The following NUP93 variants were observed in gnomAD, a reference collection of about 807,000 sequenced individuals.
The protein encoded by NUP93 is nuclear pore complex protein Nup93.
NUP93 carries 55 observed loss-of-function variants against 107.8 expected under a neutral mutation model. The observed-to-expected ratio is 0.51, with a 90% CI of 0.41 to 0.64. The LOEUF is 0.64. Ranked by LOEUF, NUP93 falls within the 30% of genes least tolerant of loss-of-function variation. The pLI is 0.00. For synonymous variants in NUP93, 390 were observed against 397.5 expected (o/e 0.98, Z 0.22); for missense variants, 937 against 1,044.7 (o/e 0.90, Z 1.42).
Position 56,848,389 on chromosome 16 carries a change from A to G in NUP93, c.*3780A>G, listed in dbSNP as rs539273511. ...AATTCTTGATGGAAATGTGTGTTTT[A>G]TATCAGAATTGAGCTTTTGTTCCTG... On this transcript the variant is annotated 3_prime_UTR_variant, in exon 22 of 22. Coordinates refer to ENST00000308159, the MANE Select transcript of NUP93 (RefSeq NM_014669.5). 17 of 152,236 alleles carry G rather than the reference A, an allele frequency of 1.1e-4. No homozygotes were observed. The highest frequency in any genetic ancestry group is 1.8e-4 in the Non-Finnish European group (12 of 68,036). The allele number at this position is 152,236 out of a possible 1,614,324, so 9.4% of individuals were successfully genotyped here.
chr16:56,773,002 G>A (rs1289702872), intron 3 of NUP93, among the ~76,000 whole-genome samples: 1 of 152,202 alleles, frequency 6.6e-6, no homozygotes, highest in Non-Finnish European at 1.5e-5. Context: ...ATGCCTACAT[G>A]AGGAAGCTTC....
intron 5 of NUP93, 23 bp downstream of exon 5, chr16:56,805,655 A>C (rs1255588411): frequency 2.5e-6 from 4 of 1,605,024 alleles, no homozygotes; most frequent in Non-Finnish European, 3.4e-6. Context: ...CAAAAGATAA[A>C]CTACTGTTAA....
Position 56,848,701 on chromosome 16 carries a change from T to TA in NUP93, c.*4093dup, listed in dbSNP as rs1294628244. On this transcript the variant is annotated 3_prime_UTR_variant, in exon 22 of 22. Transcript: ENST00000308159. Reference sequence around the variant, plus strand: ...GGTCTGTGCTGCTTTTTTGCCTTGTTACGCACATAACTTGTGACTGGCTAG... The same window carrying TA: ...GGTCTGTGCTGCTTTTTTGCCTTGTTAACGCACATAACTTGTGACTGGCTAG... The TA allele has an allele frequency of 2.0e-5, 3 of 152,248 alleles. No individual in the cohort carries two copies. The highest frequency in any genetic ancestry group is 7.2e-5 in the African/African-American group (3 of 41,460). 9.4% of individuals were successfully genotyped at this position (152,248 alleles called of 1,614,324 possible).
intron 5 of NUP93, among the ~76,000 whole-genome samples, chr16:56,811,481 C>T (rs1235357976): frequency 6.6e-6 from 1 of 151,904 alleles, no homozygotes. Flanking sequence ...GTCCCCAAGC[C>T]TGGGCTTCCT....
intron 5 of NUP93, among the ~76,000 whole-genome samples, chr16:56,816,967 T>C (rs1159518440): frequency 6.6e-5 from 10 of 152,106 alleles, no homozygotes; most frequent in Non-Finnish European, 1.0e-4. Context: ...TTGAAAGTAA[T>C]GGCAAAACCT....
At chr16:56,817,024 AG>A (rs1381337988) in intron 5 of NUP93, among the ~76,000 whole-genome samples, 1 of 152,190 alleles carries the variant, frequency 6.6e-6, no homozygotes, top group African/African-American at 2.4e-5. Context: ...CCAGCTTGAA[AG>A]GTGGCAGAGT....
intron 3 of NUP93, among the ~76,000 whole-genome samples, chr16:56,791,445 G>T (rs1962760431): frequency 6.6e-6 from 1 of 152,144 alleles, no homozygotes; most frequent in South Asian, 2.1e-4. Context: ...GACACTGAAT[G>T]TTTTTTTCAC....
intron 5 of NUP93, among the ~76,000 whole-genome samples, chr16:56,806,550 A>G (rs1403067765): frequency 6.6e-6 from 1 of 152,194 alleles, no homozygotes; most frequent in African/African-American, 2.4e-5. Flanking sequence ...TTTCAAGGCT[A>G]GACGCAAGGA....
chr16:56,823,883 A>G (rs1229507142), intron 8 of NUP93, 37 bp downstream of exon 8: 1 of 1,603,648 alleles, frequency 6.2e-7, no homozygotes, highest in East Asian at 2.2e-5. Flanking sequence ...TGGCTTTCAC[A>G]TCCTTTGCAG....
chr16:56,825,876 GTT>G (rs1482354819), intron 8 of NUP93, among the ~76,000 whole-genome samples: 1 of 152,144 alleles, frequency 6.6e-6, no homozygotes, highest in African/African-American at 2.4e-5. Flanking sequence ...ATTATACTGA[GTT>G]TTAAAATATT....
At position 56,831,728 on chromosome 16, in the gene NUP93, C is replaced by T. The variant is rs146861124; in HGVS notation, c.1086-114C>T. 1.3e-4 allele frequency: 144 copies of T among 1,067,346 alleles called. No homozygotes were observed. In the African/African-American group the frequency reaches 1.5e-3, roughly 11 times the overall value. 66.1% of individuals were successfully genotyped at this position (1,067,346 alleles called of 1,614,324 possible). A position where few individuals can be genotyped will look rare whatever the true frequency, so the allele number is the denominator to read the frequency against. ...GGGGCAGAGACAGTGTCTCTTACCCCGGATGAAGGAAGGCTTCCCTGCTTT... is the reference window on the plus strand; with the variant it reads ...GGGGCAGAGACAGTGTCTCTTACCCTGGATGAAGGAAGGCTTCCCTGCTTT... On this transcript the variant is annotated intron_variant, in intron 10 of 21. Coordinates refer to ENST00000308159, the MANE Select transcript of NUP93 (RefSeq NM_014669.5).
Position 56,833,328 on chromosome 16 carries a change from T to C in NUP93, c.1459T>C (p.Cys487Arg). 1 of 1,607,070 alleles carries C rather than the reference T, an allele frequency of 6.2e-7. No homozygotes were observed. The highest frequency in any genetic ancestry group is 8.5e-7 in the Non-Finnish European group (1 of 1,177,598). The change falls in exon 13 of 22, where the codon TGC becomes CGC. Residue 487 changes from cysteine to arginine, a missense_variant. Transcript: ENST00000308159. ...AFLFRMERLR[C>R]HAVHVALVLF... ...TCTTTTCCGCATGGAGCGGCTGCGC[T>C]GCCATGCTGTCCATGTAGCACTGGT...
At chr16:56,822,919 A>G (rs1963577832) in intron 7 of NUP93, among the ~76,000 whole-genome samples, 1 of 152,226 alleles carries the variant, frequency 6.6e-6, no homozygotes, top group African/African-American at 2.4e-5. Flanking sequence ...AATTTTTGAG[A>G]CAGACCATGA....
intron 5 of NUP93, among the ~76,000 whole-genome samples, chr16:56,818,267 A>G (rs1963473601): frequency 6.6e-6 from 1 of 152,194 alleles, no homozygotes; most frequent in African/African-American, 2.4e-5. Flanking sequence ...ACTGCCTGAT[A>G]TGATTGATGA....
intron 2 of NUP93, among the ~76,000 whole-genome samples, chr16:56,755,259 C>T (rs1442947085): frequency 6.6e-6 from 1 of 152,140 alleles, no homozygotes; most frequent in Non-Finnish European, 1.5e-5. Flanking sequence ...GTGGTATGTC[C>T]ATGCAGTGGA....
chr16:56,841,624 G>A, intron 20 of NUP93, 81 bp from the exon 21 acceptor site: 1 of 1,553,446 alleles, frequency 6.4e-7, no homozygotes, highest in Non-Finnish European at 8.7e-7. Flanking sequence ...GGCCTGCCTG[G>A]AGCAGCCCAC....
intron 5 of NUP93, among the ~76,000 whole-genome samples, chr16:56,815,881 C>G (rs11642264): frequency 2.9e-5 from 3 of 103,896 alleles, no homozygotes; most frequent in Non-Finnish European, 6.7e-5. Flanking sequence ...GCTGCTGCTG[C>G]TGCTGCTGCT....
At chr16:56,795,968 T>A (rs1185787517) in intron 3 of NUP93, among the ~76,000 whole-genome samples, 2 of 152,092 alleles carry the variant, frequency 1.3e-5, no homozygotes, top group East Asian at 3.9e-4. Context: ...AAGAGGGAAC[T>A]ATTTCCTGGG....
In NUP93 at chr16:56,834,199, C is replaced by A; in HGVS notation, c.1609C>A (p.Arg537=). ...CGTGCGGCTCCTCATGCTGTACACC[C>A]GGAAGTTTGAGTCCACGGACCCAAG... ...NFVRLLMLYT[R]KFESTDPREA... The change falls in exon 14 of 22, where the codon CGG becomes AGG. Residue 537 remains arginine (R), a synonymous_variant. Transcript: ENST00000308159. 1 of 1,614,176 alleles carries A rather than the reference C, an allele frequency of 6.2e-7. No individual in the cohort carries two copies. The highest frequency in any genetic ancestry group is 8.5e-7 in the Non-Finnish European group (1 of 1,180,032).
Sources: gnomAD v4.1 joint callset for allele counts (sites outside exome capture counted in the v4.1 genomes callset) on GRCh38, gnomAD v4.1.1 for gene constraint, MANE v1.5 for transcripts, NCBI Gene and HGNC (gene_info 2026-07-23, HGNC 2026-07-21) for gene names.